Variants in BIRC2 observed in about 807,000 individuals in gnomAD.
BIRC2 encodes baculoviral IAP repeat containing 2.
A neutral mutation model predicts 60.9 loss-of-function variants in BIRC2; 18 were observed. The observed-to-expected ratio is 0.30, with a 90% confidence interval of 0.20 to 0.44. The LOEUF (loss-of-function observed/expected upper bound fraction) is 0.44, where lower values mean the gene tolerates loss of function less well. Ranked by LOEUF, BIRC2 falls within the 20% of genes least tolerant of loss-of-function variation. The pLI, the probability that BIRC2 is intolerant of heterozygous loss-of-function variation, is 1.00. For missense variants in BIRC2, 701 were observed against 728.5 expected, an observed-to-expected ratio of 0.96 and a Z score of 0.43; for synonymous variants, 282 against 247.7, an observed-to-expected ratio of 1.14 and a Z score of -1.30.
chr11:102,358,388 G>A (rs941642941), intron 3 of BIRC2, among the ~76,000 whole-genome samples: 1 of 152,110 alleles, frequency 6.6e-6, no homozygotes, highest in East Asian at 1.9e-4. Context: ...TAAACATAAG[G>A]CAGGTATTCC....
chr11:102,361,854 T>C (rs35071980), intron 3 of BIRC2, among the ~76,000 whole-genome samples: 7 of 151,026 alleles, frequency 4.6e-5, no homozygotes, highest in African/African-American at 1.5e-4. Flanking sequence ...TTTTTTTTTT[T>C]CCCTTTATTG....
chr11:102,364,605 T>A (rs570923235), intron 5 of BIRC2, among the ~76,000 whole-genome samples: 1 of 152,310 alleles, frequency 6.6e-6, no homozygotes, highest in South Asian at 2.1e-4. Context: ...AAGGTAGTAA[T>A]CCCGTTTTAT....
At chr11:102,360,631 T>A (rs955695624) in intron 3 of BIRC2, among the ~76,000 whole-genome samples, 1 of 152,030 alleles carries the variant, frequency 6.6e-6, no homozygotes, top group South Asian at 2.1e-4. Flanking sequence ...AGATCTCCAT[T>A]TCTTTGTGGG....
Position 102,354,944 on chromosome 11 carries a change from G to GTTT in BIRC2, c.995+4020_995+4022dup, listed in dbSNP as rs61520984. Among the ~76,000 whole-genome samples, 205 of 89,628 alleles carry GTTT rather than the reference G, an allele frequency of 2.3e-3. 2 individuals carry two copies. The highest frequency in any genetic ancestry group is 9.8e-3 in the Middle Eastern group (1 of 102). The allele number at this position is 89,628 out of a possible 152,430, so 58.8% of individuals were successfully genotyped here. ...CCGTTTTCTAACCTGAATTATTTGG[G>GTTT]TTTTTTTTTTTTTTTTTTTTTGCTA... On this transcript the variant is annotated intron_variant, in intron 3 of 8. Transcript: ENST00000227758.
Position 102,349,829 on chromosome 11 carries a change from C to G in BIRC2, c.-26C>G, listed in dbSNP as rs774270853. On this transcript the variant is annotated 5_prime_UTR_variant, in exon 2 of 9. Transcript: ENST00000227758. ...AAGAAATTTCATGTGAATGTTTTAGCTATCAAACAGTACTGTCACCTACTC... is the reference window on the plus strand; with the variant it reads ...AAGAAATTTCATGTGAATGTTTTAGGTATCAAACAGTACTGTCACCTACTC... 5.9e-6 allele frequency: 9 copies of G among 1,531,662 alleles called. 1 individual carries two copies. The South Asian group carries it at 9.1e-5, about 15-fold the overall frequency. The allele number at this position is 1,531,662 out of a possible 1,614,324, so 94.9% of individuals were successfully genotyped here.
chr11:102,374,434 G>A (rs1053367967), intron 6 of BIRC2, among the ~76,000 whole-genome samples: 4 of 148,582 alleles, frequency 2.7e-5, no homozygotes, highest in Non-Finnish European at 4.5e-5. Flanking sequence ...GCCGTGTGAG[G>A]TGTCAGTGTG....
chr11:102,352,982 TTAA>T (rs1322452594), intron 3 of BIRC2, among the ~76,000 whole-genome samples: 10 of 152,126 alleles, frequency 6.6e-5, no homozygotes, highest in East Asian at 1.9e-4. Context: ...GTTATTAATA[TTAA>T]TAATATATCA....
At chr11:102,360,206 A>G (rs938429746) in intron 3 of BIRC2, among the ~76,000 whole-genome samples, 2 of 151,948 alleles carry the variant, frequency 1.3e-5, no homozygotes, top group Admixed American at 1.3e-4. Context: ...ACTTCATGTG[A>G]TCCACCCGCC....
intron 5 of BIRC2, among the ~76,000 whole-genome samples, chr11:102,366,572 G>A (rs1951555252): frequency 6.6e-6 from 1 of 151,782 alleles, no homozygotes; most frequent in Non-Finnish European, 1.5e-5. Context: ...GGGTTTCACT[G>A]GATTAGCCAG....
At chr11:102,368,645 A>C in intron 6 of BIRC2, 97 bp downstream of exon 6, 4 of 1,490,058 alleles carry the variant, frequency 2.7e-6, no homozygotes, top group Non-Finnish European at 3.6e-6. Flanking sequence ...ACATCCACTA[A>C]CTGCTGGTAG....
At chr11:102,359,517 A>G (rs535887215) in intron 3 of BIRC2, among the ~76,000 whole-genome samples, 3 of 152,166 alleles carry the variant, frequency 2.0e-5, no homozygotes, top group Non-Finnish European at 4.4e-5. Flanking sequence ...CGTTTCTTGT[A>G]AGGCGCGTCC....
intron 5 of BIRC2, among the ~76,000 whole-genome samples, chr11:102,366,714 A>G (rs1951556829): frequency 1.3e-5 from 2 of 152,086 alleles, no homozygotes; most frequent in Admixed American, 6.6e-5. Context: ...TCTGTGTCTA[A>G]CATCCTAACA....
At chr11:102,373,167 A>G (rs1951655166) in intron 6 of BIRC2, among the ~76,000 whole-genome samples, 1 of 151,758 alleles carries the variant, frequency 6.6e-6, no homozygotes, top group African/African-American at 2.4e-5. Context: ...GTCCATTTAC[A>G]TTTAAAGTTA....
At chr11:102,359,952 G>A (rs903375206) in intron 3 of BIRC2, among the ~76,000 whole-genome samples, 2 of 150,024 alleles carry the variant, frequency 1.3e-5, no homozygotes, top group Non-Finnish European at 3.0e-5. Flanking sequence ...TTGAATTCTC[G>A]GGTTTGTTTT....
At chr11:102,367,460 G>C (rs552182366) in intron 5 of BIRC2, among the ~76,000 whole-genome samples, 1 of 152,014 alleles carries the variant, frequency 6.6e-6, no homozygotes, top group African/African-American at 2.4e-5. Flanking sequence ...CCATTTCTTC[G>C]GACACGGATT....
intron 6 of BIRC2, among the ~76,000 whole-genome samples, chr11:102,375,956 G>A (rs1470343727): frequency 2.7e-5 from 4 of 147,352 alleles, no homozygotes; most frequent in Non-Finnish European, 4.5e-5. Flanking sequence ...CTCCTAGCAC[G>A]TCAATTTTTT....
chr11:102,366,372 G>GT (rs113111923), intron 5 of BIRC2, among the ~76,000 whole-genome samples: 9,664 of 142,632 alleles, frequency 0.068, 348 homozygotes, highest in Non-Finnish European at 0.084. Flanking sequence ...CTCCACCACT[G>GT]TTTTTTTTTT....
intron 5 of BIRC2, among the ~76,000 whole-genome samples, chr11:102,365,850 C>T (rs938956338): frequency 2.6e-5 from 4 of 152,202 alleles, no homozygotes; most frequent in Non-Finnish European, 4.4e-5. Context: ...GCCTCGGCCT[C>T]CCATAGTGCT....
At chr11:102,376,802 C>G (rs1184252901) in intron 6 of BIRC2, among the ~76,000 whole-genome samples, 2 of 152,046 alleles carry the variant, frequency 1.3e-5, no homozygotes, top group East Asian at 3.8e-4. Context: ...ATGTATTATT[C>G]AATCCTTACA....
Sources: gnomAD v4.1 joint callset for allele counts (sites outside exome capture counted in the v4.1 genomes callset) on GRCh38, gnomAD v4.1.1 for gene constraint, MANE v1.5 for transcripts, NCBI Gene and HGNC (gene_info 2026-07-23, HGNC 2026-07-21) for gene names.